The following MRTFB variants were observed in gnomAD, a reference collection of about 807,000 sequenced individuals.
MRTFB encodes the protein myocardin-related transcription factor B.
In MRTFB, 29 loss-of-function variants were observed where a neutral mutation model predicts 104.2. That is an observed-to-expected ratio of 0.28 (90% confidence interval 0.21 to 0.38). The LOEUF is 0.38. Ranked by LOEUF, MRTFB falls within the 10% of genes least tolerant of loss-of-function variation. The pLI is 1.00. For synonymous variants in MRTFB, 535 were observed against 519.5 expected (o/e 1.03, Z -0.41); for missense variants, 1,270 against 1,341.6 (o/e 0.95, Z 0.83).
chr16:14,090,763 A>G (rs910104082), intron 2 of MRTFB, among the ~76,000 whole-genome samples: 3 of 152,164 alleles, frequency 2.0e-5, no homozygotes, highest in Non-Finnish European at 4.4e-5. Context: ...ACAACAGCCT[A>G]TCTAGGATTA....
the MRTFB span, among the ~76,000 whole-genome samples, chr16:14,039,760 C>CTTTTTTTTTTTT: frequency 2.5e-5 from 3 of 121,940 alleles, no homozygotes; most frequent in African/African-American, 6.1e-5. Context: ...ATAATATGTT[C>CTTTTTTTTTTTT]TTTTTTTTTT....
chr16:14,023,655 T>TTA, the MRTFB span, among the ~76,000 whole-genome samples: 1,589 of 123,054 alleles, frequency 0.013, 21 homozygotes, highest in African/African-American at 0.036. Context: ...ATATACATAT[T>TTA]TATGTGTGTG....
chr16:14,258,176 AC>A lies in MRTFB; in HGVS notation c.2764+16del. The A allele has an allele frequency of 6.2e-7, 1 of 1,610,886 alleles. No individual in the cohort carries two copies. Among genetic ancestry groups the A allele is most frequent in the Non-Finnish European group, 8.5e-7 (1 of 1,177,218 alleles). On this transcript the variant is annotated intron_variant, in intron 16 of 16. Coordinates refer to ENST00000571589, the MANE Select transcript of MRTFB (RefSeq NM_001308142.2). ...TAAGAGTGGAGGTAAGTCAAAAGTC[AC>A]ATCAGATCCTCCCAGGAAGTCATCT...
chr16:14,093,473 T>C (rs766234374), intron 2 of MRTFB, among the ~76,000 whole-genome samples: 24 of 152,298 alleles, frequency 1.6e-4, no homozygotes, highest in Admixed American at 9.2e-4. Flanking sequence ...AATTTGGCTC[T>C]GAATGCAGGT....
intron 3 of MRTFB, among the ~76,000 whole-genome samples, chr16:14,195,836 A>C (rs1163536430): frequency 6.6e-6 from 1 of 152,272 alleles, no homozygotes; most frequent in Non-Finnish European, 1.5e-5. Flanking sequence ...TAAGAAAAAT[A>C]AACATTATCT....
chr16:14,077,876 A>C (rs1012989098), intron 1 of MRTFB, among the ~76,000 whole-genome samples: 1 of 152,166 alleles, frequency 6.6e-6, no homozygotes, highest in Non-Finnish European at 1.5e-5. Context: ...AAAAAGTTAC[A>C]AGACATTAGA....
intron 3 of MRTFB, among the ~76,000 whole-genome samples, chr16:14,172,092 A>G (rs1180392885): frequency 1.3e-5 from 2 of 152,148 alleles, no homozygotes; most frequent in Admixed American, 6.5e-5. Flanking sequence ...ATACAAAAAG[A>G]TGTCAGTAGA....
At chr16:14,125,603 A>G (rs2037069265) in intron 2 of MRTFB, among the ~76,000 whole-genome samples, 1 of 152,216 alleles carries the variant, frequency 6.6e-6, no homozygotes, top group South Asian at 2.1e-4. Flanking sequence ...GAAATTTTGT[A>G]AACATATTGT....
At chr16:14,199,062 C>T (rs1027564558) in intron 3 of MRTFB, among the ~76,000 whole-genome samples, 4 of 152,208 alleles carry the variant, frequency 2.6e-5, no homozygotes, top group Non-Finnish European at 5.9e-5. Context: ...ATCTTGAAAG[C>T]ATGCTTACAC....
the MRTFB span, among the ~76,000 whole-genome samples, chr16:14,053,896 A>G: frequency 2.6e-5 from 4 of 152,150 alleles, no homozygotes; most frequent in African/African-American, 9.7e-5. Context: ...AAAATAAATC[A>G]ATACACACAC....
intron 3 of MRTFB, among the ~76,000 whole-genome samples, chr16:14,202,398 T>C (rs2040747378): frequency 6.6e-6 from 1 of 152,152 alleles, no homozygotes; most frequent in African/African-American, 2.4e-5. Flanking sequence ...AAAAGAAAAA[T>C]GTATTATAAA....
the MRTFB span, among the ~76,000 whole-genome samples, chr16:14,018,247 A>G: frequency 2.0e-5 from 3 of 152,170 alleles, no homozygotes; most frequent in African/African-American, 7.2e-5. Context: ...CACCGCTTAT[A>G]GCTACATGAA....
the MRTFB span, among the ~76,000 whole-genome samples, chr16:14,038,310 T>C: frequency 6.6e-6 from 1 of 152,250 alleles, no homozygotes; most frequent in East Asian, 1.9e-4. Context: ...CCTCTTTAAA[T>C]ACCCTGTCAC....
In MRTFB at chr16:14,265,188, G is replaced by C. The variant is rs1333712386; in HGVS notation, c.*3744G>C. ...TGGGGACTTTTTAGAGAAATGTAAA[G>C]AGAATAGCTATTCAGTGTCTACTAG... On this transcript the variant is annotated 3_prime_UTR_variant, in exon 17 of 17. Transcript: ENST00000571589. 2 of 152,204 alleles carry C rather than the reference G, an allele frequency of 1.3e-5. No homozygotes were observed. The highest frequency in any genetic ancestry group is 2.9e-5 in the Non-Finnish European group (2 of 68,036). The allele number at this position is 152,204 out of a possible 1,614,324, so 9.4% of individuals were successfully genotyped here.
At chr16:14,258,243 GCTTAT>G in intron 16 of MRTFB, 82 bp downstream of exon 16, 2 of 1,066,980 alleles carry the variant, frequency 1.9e-6, no homozygotes, top group Non-Finnish European at 2.9e-6. Context: ...AGCACTCATA[GCTTAT>G]CTTTAGATAC....
rs150931841 is a variant in MRTFB, at chr16:14,139,864, G to A, written c.-63-680G>A. On this transcript the variant is annotated intron_variant, in intron 2 of 16. Coordinates refer to ENST00000571589, the MANE Select transcript of MRTFB (RefSeq NM_001308142.2). ...GGACTGACCATCCTTCTAGCCTCCA[G>A]TAACAGTTTTCTGCTGCCGACTTTG... Among the ~76,000 whole-genome samples the A allele has an allele frequency of 4.5e-3, 682 of 152,320 alleles. 2 individuals carry two copies. The highest frequency in any genetic ancestry group is 8.4e-3 in the Admixed American group (128 of 15,298).
intron 2 of MRTFB, among the ~76,000 whole-genome samples, chr16:14,113,137 A>C (rs2036362597): frequency 1.3e-5 from 2 of 152,170 alleles, no homozygotes; most frequent in African/African-American, 2.4e-5. Flanking sequence ...ACCGCCTCCC[A>C]GGTTCAAGCC....
intron 9 of MRTFB, among the ~76,000 whole-genome samples, chr16:14,239,072 C>T (rs2042650309): frequency 6.6e-6 from 1 of 152,158 alleles, no homozygotes; most frequent in African/African-American, 2.4e-5. Flanking sequence ...AGAGCTGGCT[C>T]CAGCACCCCG....
Position 14,218,995 on chromosome 16 carries a change from G to A in MRTFB, c.690G>A (p.Ala230=), listed in dbSNP as rs369570576. The A allele has an allele frequency of 1.7e-5, 27 of 1,608,100 alleles. 1 individual carries two copies. The South Asian group carries it at 2.3e-4, about 14-fold the overall frequency. Reference sequence around the variant, plus strand: ...CTCCTGTGACTACAAACACTCCAGCGCAGGTATTATCTTTCTGGTTTTGAC... The same window carrying A: ...CTCCTGTGACTACAAACACTCCAGCACAGGTATTATCTTTCTGGTTTTGAC... ...SPSPVTTNTP[A]QFASVSPTVP... is the part of the protein sequence containing the mutation. The change falls in exon 8 of 17, where the codon GCG becomes GCA. Residue 230 remains alanine (A), a synonymous_variant. Coordinates refer to ENST00000571589, the MANE Select transcript of MRTFB (RefSeq NM_001308142.2).
Sources: allele counts gnomAD v4.1 joint callset (sites outside exome capture counted in the v4.1 genomes callset), GRCh38; gene constraint gnomAD v4.1.1; transcripts MANE v1.5; gene names NCBI Gene and HGNC (gene_info 2026-07-23, HGNC 2026-07-21).